Variants in SEPTIN9 observed in about 807,000 individuals in gnomAD.
SEPTIN9 encodes the protein septin 9.
A neutral mutation model predicts 56.6 loss-of-function variants in SEPTIN9; 13 were observed. That is an observed-to-expected ratio of 0.23 (90% CI 0.15 to 0.37). The LOEUF (loss-of-function observed/expected upper bound fraction) is 0.37. SEPTIN9 is among the 10% of genes least tolerant of loss of function. SEPTIN9 has a pLI of 1.00. For synonymous variants in SEPTIN9, 332 were observed against 334.1 expected (o/e 0.99, Z 0.07); for missense variants, 650 against 823.1 (o/e 0.79, Z 2.57).
intron 1 of SEPTIN9, among the ~76,000 whole-genome samples, chr17:77,297,800 C>T (rs1360532349): frequency 2.0e-5 from 3 of 152,172 alleles, no homozygotes; most frequent in Admixed American, 2.0e-4. Context: ...TAGAAACTAT[C>T]AAAATAGGAC....
chr17:77,369,796 C>T lies in SEPTIN9; in HGVS notation c.77-32263C>T, dbSNP rs1028406369. ...TGCTTCCCTGCCAGCTGAGCCTCTC[C>T]ATGGAGGCTGTGCCTGGAGGGGGGT... On this transcript the variant is annotated intron_variant, in intron 2 of 11. Coordinates refer to ENST00000427177, the MANE Select transcript of SEPTIN9 (RefSeq NM_001113491.2). The surrounding 1 kb of genome is among the most constrained non-coding windows in gnomAD (Gnocchi z 4.9). Among the ~76,000 whole-genome samples the T allele has an allele frequency of 1.1e-4, 17 of 152,220 alleles. No individual in the cohort carries two copies. Among genetic ancestry groups the T allele is most frequent in the African/African-American group, 4.1e-4 (17 of 41,466 alleles).
In SEPTIN9 at chr17:77,402,327, G is replaced by A. The variant is rs776076786; in HGVS notation, c.345G>A (p.Ser115=). ...SRRTELSIDI[S]SKQVENAGAI... is the part of the protein sequence containing the mutation. ...GCACTGAGCTGTCCATTGACATCTC[G>A]TCCAAGCAGGTGGAGAACGCCGGGG... Residue 115 remains serine, a synonymous_variant, in exon 3 of 12, where the codon TCG becomes TCA. Coordinates refer to ENST00000427177, the MANE Select transcript of SEPTIN9 (RefSeq NM_001113491.2). The surrounding 1 kb of genome is among the most constrained non-coding windows in gnomAD (Gnocchi z 6.6). The A allele has an allele frequency of 2.1e-5, 34 of 1,612,534 alleles. No homozygotes were observed. Among genetic ancestry groups the A allele is most frequent in the African/African-American group, 2.0e-4 (15 of 74,930 alleles).
At position 77,402,650 on chromosome 17, in the gene SEPTIN9, T is replaced by G; in HGVS notation, c.668T>G (p.Leu223Arg). 1 of 1,612,354 alleles carries G rather than the reference T, an allele frequency of 6.2e-7. No homozygotes were observed. Among genetic ancestry groups the G allele is most frequent in the Non-Finnish European group, 8.5e-7 (1 of 1,179,272 alleles). Residue 223 changes from leucine (L) to arginine (R), a missense_variant, in exon 3 of 12, where the codon CTG (leucine) becomes CGG (arginine). Transcript: ENST00000427177. The surrounding 1 kb of genome is among the most constrained non-coding windows in gnomAD (Gnocchi z 6.6). ...PAPVSQLQSR[L>R]EPKPQPPVAE... ...CCTGTGTCTCAGCTGCAGAGCAGGCTGGAGCCCAAGCCCCAGCCCCCTGTG... is the reference window on the plus strand; with the variant it reads ...CCTGTGTCTCAGCTGCAGAGCAGGCGGGAGCCCAAGCCCCAGCCCCCTGTG...
intron 10 of SEPTIN9, among the ~76,000 whole-genome samples, chr17:77,495,760 G>A (rs2040231099): frequency 6.6e-6 from 1 of 152,218 alleles, no homozygotes; most frequent in Admixed American, 6.5e-5. Flanking sequence ...ACAGGGCCGT[G>A]GCAGGAGGGC....
intron 11 of SEPTIN9, among the ~76,000 whole-genome samples, chr17:77,498,076 C>G (rs568540647): frequency 2.2e-4 from 33 of 152,116 alleles, no homozygotes; most frequent in African/African-American, 7.7e-4. Flanking sequence ...CAAGGGCAAC[C>G]CAGCCCTTTG....
At chr17:77,281,703 AGGGCCGCTGTC>A in intron 1 of SEPTIN9, 149 bp downstream of exon 1, 3 of 712,900 alleles carry the variant, frequency 4.2e-6, no homozygotes, top group Non-Finnish European at 4.3e-6. Flanking sequence ...CTCCCAGGAC[AGGGCCGCTGTC>A]GGGCCGCTTT....
At position 77,405,848 on chromosome 17, in the gene SEPTIN9, C is replaced by A. The variant is rs1237394723; in HGVS notation, c.721+3145C>A. ...TTTCCTTCAGGCCCATCCCCTTCTG[C>A]CCCTCCATGTGGGGCTGGGCTGGGA... is the stretch of plus-strand genomic sequence containing the variant. On this transcript the variant is annotated intron_variant, in intron 3 of 11. Transcript: ENST00000427177. The surrounding 1 kb of genome is among the most constrained non-coding windows in gnomAD (Gnocchi z 5.8). 6.6e-6 allele frequency among the ~76,000 whole-genome samples: 1 copy of A among 152,206 alleles called. No homozygotes were observed. Among genetic ancestry groups the A allele is most frequent in the Non-Finnish European group, 1.5e-5 (1 of 68,038 alleles).
At chr17:77,325,628 G>A (rs1340206560) in intron 2 of SEPTIN9, among the ~76,000 whole-genome samples, 3 of 152,216 alleles carry the variant, frequency 2.0e-5, no homozygotes, top group Non-Finnish European at 2.9e-5. Flanking sequence ...CCCGGCCTGC[G>A]TGTGAGACCA....
chr17:77,307,911 C>T (rs889426881), intron 2 of SEPTIN9, among the ~76,000 whole-genome samples: 29 of 152,184 alleles, frequency 1.9e-4, no homozygotes, highest in Admixed American at 2.0e-4. Flanking sequence ...GCTGAGTCTG[C>T]GCGTCATCTT....
In SEPTIN9 at chr17:77,433,559, A is replaced by G. The variant is rs1433301630; in HGVS notation, c.721+30856A>G. Among the ~76,000 whole-genome samples the G allele has an allele frequency of 6.6e-6, 1 of 150,422 alleles. No homozygotes were observed. Among genetic ancestry groups the G allele is most frequent in the African/African-American group, 2.4e-5 (1 of 41,146 alleles). Reference sequence around the variant, plus strand: ...ACCCACCCCGAGGCCCAGCATGGCCATGCCGGAAATAGCAGCATCGTCCCC... The same window carrying G: ...ACCCACCCCGAGGCCCAGCATGGCCGTGCCGGAAATAGCAGCATCGTCCCC... On this transcript the variant is annotated intron_variant, in intron 3 of 11. Coordinates refer to ENST00000427177, the MANE Select transcript of SEPTIN9 (RefSeq NM_001113491.2). This position sits in a 1 kb window ranked among gnomAD's most constrained non-coding sequence, Gnocchi z 6.4.
chr17:77,305,142 C>G (rs1016049135), intron 1 of SEPTIN9, among the ~76,000 whole-genome samples: 16 of 152,024 alleles, frequency 1.1e-4, no homozygotes, highest in Non-Finnish European at 2.4e-4. Context: ...GCCAGGAACC[C>G]CTGGGTTTTC....
rs1355602887 is a variant in SEPTIN9, at chr17:77,433,663, GC to G, written c.721+30963del. ...GTCTGACCTGTGGCTGGATCTAGCT[GC>G]CCGTGGACAGGCTGTGAGTGAATCT... is the stretch of plus-strand genomic sequence containing the variant. On this transcript the variant is annotated intron_variant, in intron 3 of 11. Coordinates refer to ENST00000427177, the MANE Select transcript of SEPTIN9 (RefSeq NM_001113491.2). The surrounding 1 kb of genome is among the most constrained non-coding windows in gnomAD (Gnocchi z 6.4). Among the ~76,000 whole-genome samples, 4 of 152,168 alleles carry G rather than the reference GC, an allele frequency of 2.6e-5. No individual in the cohort carries two copies. Among genetic ancestry groups the G allele is most frequent in the Admixed American group, 2.6e-4 (4 of 15,280 alleles).
chr17:77,479,456 G>A (rs775339923), intron 3 of SEPTIN9, among the ~76,000 whole-genome samples: 5 of 152,268 alleles, frequency 3.3e-5, no homozygotes, highest in Admixed American at 6.5e-5. Flanking sequence ...GGCCAGCCGG[G>A]GCCTGCAAGG....
At chr17:77,398,811 G>A (rs1252365667) in intron 2 of SEPTIN9, among the ~76,000 whole-genome samples, 1 of 152,132 alleles carries the variant, frequency 6.6e-6, no homozygotes, top group Non-Finnish European at 1.5e-5. Flanking sequence ...TGGCCCCTGC[G>A]GGTGGAACAG....
At chr17:77,334,421 CAAAAA>C (rs34122443) in intron 2 of SEPTIN9, among the ~76,000 whole-genome samples, 1 of 92,270 alleles carries the variant, frequency 1.1e-5, no homozygotes, top group Non-Finnish European at 2.2e-5. Flanking sequence ...GACTCTGTCT[CAAAAA>C]AAAAAAAAAA....
In SEPTIN9 at chr17:77,390,791, G is replaced by C. The variant is rs937266291; in HGVS notation, c.77-11268G>C. On this transcript the variant is annotated intron_variant, in intron 2 of 11. Coordinates refer to ENST00000427177, the MANE Select transcript of SEPTIN9 (RefSeq NM_001113491.2). Reference sequence around the variant, plus strand: ...TGAACAGGTGGCTCCCTGACCCTGGGTGTGGTTACTCCAAGACCTTGCTCT... The same window carrying C: ...TGAACAGGTGGCTCCCTGACCCTGGCTGTGGTTACTCCAAGACCTTGCTCT... 6.5e-4 allele frequency among the ~76,000 whole-genome samples: 99 copies of C among 152,362 alleles called. 1 individual carries two copies. Among genetic ancestry groups the C allele is most frequent in the African/African-American group, 2.1e-3 (86 of 41,584 alleles).
At chr17:77,497,022 T>G in intron 10 of SEPTIN9, 1 of 496,154 alleles carries the variant, frequency 2.0e-6, no homozygotes, top group Non-Finnish European at 3.7e-6. Flanking sequence ...CATGCTCCTA[T>G]TTGGCCTGGT....
At chr17:77,380,557 G>A (rs2143963686) in intron 2 of SEPTIN9, among the ~76,000 whole-genome samples, 1 of 152,168 alleles carries the variant, frequency 6.6e-6, no homozygotes, top group South Asian at 2.1e-4. Context: ...TCCCCACATG[G>A]CATCGAATTT....
chr17:77,411,956 C>A (rs541488322), intron 3 of SEPTIN9, among the ~76,000 whole-genome samples: 1 of 151,554 alleles, frequency 6.6e-6, no homozygotes, highest in East Asian at 2.0e-4. Context: ...ATGGTGAAAC[C>A]CCATCTCTAC....
Sources: allele counts gnomAD v4.1 joint callset (sites outside exome capture counted in the v4.1 genomes callset), GRCh38; gene constraint gnomAD v4.1.1; non-coding constraint Gnocchi (gnomAD v3.1); transcripts MANE v1.5; gene names NCBI Gene and HGNC (gene_info 2026-07-23, HGNC 2026-07-21).